Variants in SIAH3 observed in about 807,000 individuals in gnomAD.
The protein encoded by SIAH3 is siah E3 ubiquitin protein ligase family member 3.
A neutral mutation model predicts 12.6 loss-of-function variants in SIAH3; 9 were observed. The ratio of observed to expected loss-of-function variants is 0.72; its 90% CI spans 0.43 to 1.25. The LOEUF (loss-of-function observed/expected upper bound fraction) is 1.25. SIAH3 is among the 50% of genes most tolerant of loss of function. The pLI, the probability that SIAH3 is intolerant of heterozygous loss-of-function variation, is 0.00. For synonymous variants in SIAH3, 154 were observed against 151.1 expected, an observed-to-expected ratio of 1.02 and a Z score of -0.14; for missense variants, 390 against 365.4, an observed-to-expected ratio of 1.07 and a Z score of -0.55.
At chr13:45,804,131 A>T (rs1950591316) in intron 1 of SIAH3, among the ~76,000 whole-genome samples, 1 of 152,102 alleles carries the variant, frequency 6.6e-6, no homozygotes. Flanking sequence ...GTTAACTTTA[A>T]TGTCAAAAAT....
At chr13:45,810,045 TC>T (rs1316909794) in intron 1 of SIAH3, among the ~76,000 whole-genome samples, 2 of 152,014 alleles carry the variant, frequency 1.3e-5, no homozygotes, top group Non-Finnish European at 2.9e-5. Flanking sequence ...CCCCCAAAGT[TC>T]CTAAAGCAGC....
intron 1 of SIAH3, among the ~76,000 whole-genome samples, chr13:45,837,441 GA>G (rs1950721678): frequency 6.6e-6 from 1 of 150,392 alleles, no homozygotes; most frequent in African/African-American, 2.4e-5. Flanking sequence ...GAAAAAGAAT[GA>G]AAAAAAGGAA....
At chr13:45,813,349 C>T (rs372414717) in intron 1 of SIAH3, among the ~76,000 whole-genome samples, 5 of 152,062 alleles carry the variant, frequency 3.3e-5, no homozygotes, top group South Asian at 2.1e-4. Context: ...TCTGGCCTCC[C>T]CAGAGCAAAG....
chr13:45,795,659 A>G (rs1237947129), intron 1 of SIAH3, among the ~76,000 whole-genome samples: 1 of 152,166 alleles, frequency 6.6e-6, no homozygotes, highest in Non-Finnish European at 1.5e-5. Flanking sequence ...ACCAGCATCC[A>G]TGAAACTGTG....
In SIAH3 at chr13:45,795,294, C is replaced by T. The variant is rs113429569; in HGVS notation, c.136-11237G>A. On this transcript the variant is annotated intron_variant, in intron 1 of 1. Transcript: ENST00000400405. Reference sequence around the variant, plus strand: ...AGAAACCCAGAGACCCTTGTTGCCACAAGCATTTAAGGATGATGTTTATGT... The same window carrying T: ...AGAAACCCAGAGACCCTTGTTGCCATAAGCATTTAAGGATGATGTTTATGT... Among the ~76,000 whole-genome samples the T allele has an allele frequency of 2.1e-3, 313 of 152,282 alleles. 2 individuals carry two copies. Among genetic ancestry groups the T allele is most frequent in the African/African-American group, 7.3e-3 (303 of 41,554 alleles).
At chr13:45,814,565 G>C (rs1950627644) in intron 1 of SIAH3, among the ~76,000 whole-genome samples, 1 of 152,138 alleles carries the variant, frequency 6.6e-6, no homozygotes, top group Non-Finnish European at 1.5e-5. Context: ...GTGAGGTGCT[G>C]CTGCCCTAGT....
chr13:45,801,734 T>C (rs1442698197), intron 1 of SIAH3, among the ~76,000 whole-genome samples: 1 of 152,144 alleles, frequency 6.6e-6, no homozygotes, highest in East Asian at 1.9e-4. Context: ...TTACAAAGTG[T>C]TTTCATACCT....
intron 1 of SIAH3, among the ~76,000 whole-genome samples, chr13:45,827,070 C>T (rs1281783276): frequency 2.0e-5 from 3 of 152,200 alleles, no homozygotes; most frequent in African/African-American, 4.8e-5. Flanking sequence ...AGTGGCCACT[C>T]TTAGCTCTGA....
intron 1 of SIAH3, among the ~76,000 whole-genome samples, chr13:45,786,576 T>C (rs1950528625): frequency 6.6e-6 from 1 of 152,220 alleles, no homozygotes; most frequent in African/African-American, 2.4e-5. Flanking sequence ...GCAAAATATT[T>C]ATCTCAAGGG....
intron 1 of SIAH3, among the ~76,000 whole-genome samples, chr13:45,825,563 T>G (rs1006345263): frequency 6.6e-6 from 1 of 152,164 alleles, no homozygotes; most frequent in Non-Finnish European, 1.5e-5. Context: ...CGTGAAGTAG[T>G]CTTCCTGAGG....
intron 1 of SIAH3, among the ~76,000 whole-genome samples, chr13:45,791,305 C>T (rs547306952): frequency 1.5e-4 from 23 of 152,252 alleles, no homozygotes; most frequent in Non-Finnish European, 2.8e-4. Flanking sequence ...ATGTAGTAGA[C>T]TCTCAATAAA....
At chr13:45,792,313 G>T (rs1950548068) in intron 1 of SIAH3, among the ~76,000 whole-genome samples, 1 of 151,912 alleles carries the variant, frequency 6.6e-6, no homozygotes, top group African/African-American at 2.4e-5. Context: ...AGTGAGACAG[G>T]TTGCTACCAG....
intron 1 of SIAH3, among the ~76,000 whole-genome samples, chr13:45,789,731 A>C (rs1258368180): frequency 1.3e-5 from 2 of 152,034 alleles, no homozygotes; most frequent in African/African-American, 4.8e-5. Flanking sequence ...TTTAAACTAT[A>C]CTCTAGGGCC....
intron 1 of SIAH3, among the ~76,000 whole-genome samples, chr13:45,812,558 T>C (rs1950619619): frequency 6.6e-6 from 1 of 152,214 alleles, no homozygotes; most frequent in African/African-American, 2.4e-5. Flanking sequence ...AAGATTATAA[T>C]GATTATAATG....
chr13:45,807,995 G>A (rs1950603659), intron 1 of SIAH3, among the ~76,000 whole-genome samples: 1 of 152,112 alleles, frequency 6.6e-6, no homozygotes, highest in South Asian at 2.1e-4. Flanking sequence ...TCTTGAGGTT[G>A]CTTACATATC....
At chr13:45,818,784 C>T (rs1465648310) in intron 1 of SIAH3, among the ~76,000 whole-genome samples, 1 of 152,346 alleles carries the variant, frequency 6.6e-6, no homozygotes, top group South Asian at 2.1e-4. Flanking sequence ...AAATGGTTAA[C>T]TTAGTCATAT....
At chr13:45,806,460 G>A (rs1023619950) in intron 1 of SIAH3, among the ~76,000 whole-genome samples, 1 of 152,154 alleles carries the variant, frequency 6.6e-6, no homozygotes, top group African/African-American at 2.4e-5. Context: ...GCGAAGTAAT[G>A]CAGGAACAGA....
intron 1 of SIAH3, among the ~76,000 whole-genome samples, chr13:45,802,608 A>G (rs1464525916): frequency 6.6e-6 from 1 of 152,212 alleles, no homozygotes; most frequent in African/African-American, 2.4e-5. Context: ...ATACCTTGGG[A>G]TAGGCCGTGG....
chr13:45,837,154 A>T (rs969877873), intron 1 of SIAH3, among the ~76,000 whole-genome samples: 1 of 152,002 alleles, frequency 6.6e-6, no homozygotes, highest in Non-Finnish European at 1.5e-5. Context: ...TCTACTCCCA[A>T]ATCTTTTGGG....
Sources: gnomAD v4.1 joint callset for allele counts (sites outside exome capture counted in the v4.1 genomes callset) on GRCh38, gnomAD v4.1.1 for gene constraint, MANE v1.5 for transcripts, NCBI Gene and HGNC (gene_info 2026-07-23, HGNC 2026-07-21) for gene names.